AUH: variants seen among roughly 807,000 people sequenced by gnomAD.
AUH encodes AU RNA binding methylglutaconyl-CoA hydratase.
A neutral mutation model predicts 42.3 loss-of-function variants in AUH; 29 were observed. The observed-to-expected ratio is 0.69, with a 90% CI of 0.51 to 0.93. The LOEUF (loss-of-function observed/expected upper bound fraction) is 0.93. Among genes scored for constraint, AUH ranks in the 40% least tolerant of loss-of-function variants. AUH has a pLI of 0.00. For missense variants in AUH, 452 were observed against 438.1 expected (o/e 1.03, Z -0.28); for synonymous variants, 174 against 166.4 (o/e 1.05, Z -0.35).
intron 1 of AUH, among the ~76,000 whole-genome samples, chr9:91,358,261 G>A (rs1832588397): frequency 6.6e-6 from 1 of 152,192 alleles, no homozygotes; most frequent in Admixed American, 6.5e-5. Flanking sequence ...CTACCAAGGT[G>A]AGGGTGGAGG....
At chr9:91,218,847 T>C in intron 7 of AUH, 2 of 985,408 alleles carry the variant, frequency 2.0e-6, no homozygotes, top group Non-Finnish European at 2.4e-6. Context: ...AAAATAAAGG[T>C]GATTCCACTC....
At chr9:91,320,545 T>C (rs1330737303) in intron 4 of AUH, among the ~76,000 whole-genome samples, 1 of 152,342 alleles carries the variant, frequency 6.6e-6, no homozygotes, top group African/African-American at 2.4e-5. Context: ...TCCTTCTTTT[T>C]TGTCTATAAA....
In AUH at chr9:91,216,024, G is replaced by C. The variant is rs760659468; in HGVS notation, c.942+35C>G. 1.1e-5 allele frequency: 17 copies of C among 1,576,720 alleles called. No homozygotes were observed. In the East Asian group the frequency reaches 3.1e-4, roughly 29 times the overall value. ...CAGAAGGTAAATATAATTTGTAAGG[G>C]TCATCCTCATTGAATTTGTGATTGC... On this transcript the variant is annotated intron_variant, in intron 9 of 9. Coordinates refer to ENST00000375731, the MANE Select transcript of AUH (RefSeq NM_001698.3).
chr9:91,280,862 TTTA>T (rs1257438401), intron 6 of AUH, among the ~76,000 whole-genome samples: 4 of 152,178 alleles, frequency 2.6e-5, no homozygotes, highest in Non-Finnish European at 4.4e-5. Flanking sequence ...AAGGTTCTTT[TTTA>T]TTATTTTCTG....
At chr9:91,235,999 T>C (rs564374928) in intron 6 of AUH, among the ~76,000 whole-genome samples, 4 of 152,338 alleles carry the variant, frequency 2.6e-5, no homozygotes, top group Admixed American at 2.0e-4. Context: ...CTTGTGATGC[T>C]ACAGAGTATT....
intron 6 of AUH, among the ~76,000 whole-genome samples, chr9:91,232,002 T>C (rs1827913167): frequency 6.6e-6 from 1 of 152,248 alleles, no homozygotes; most frequent in Admixed American, 6.5e-5. Flanking sequence ...ATTTTGAATG[T>C]TCTTACCACA....
chr9:91,269,750 C>G (rs1222683514), intron 6 of AUH, among the ~76,000 whole-genome samples: 1 of 152,194 alleles, frequency 6.6e-6, no homozygotes, highest in African/African-American at 2.4e-5. Flanking sequence ...TTGAGTTCAG[C>G]TACCCCTTTA....
chr9:91,342,369 G>A (rs1334801844), intron 3 of AUH, among the ~76,000 whole-genome samples: 6 of 152,088 alleles, frequency 3.9e-5, no homozygotes, highest in African/African-American at 9.7e-5. Context: ...TCTCCCCATC[G>A]TAAGATCTTC....
chr9:91,345,805 C>T (rs1251033278), intron 3 of AUH, among the ~76,000 whole-genome samples: 1 of 148,534 alleles, frequency 6.7e-6, no homozygotes, highest in African/African-American at 2.5e-5. Flanking sequence ...TGCACTCCAG[C>T]CTGGGTGACA....
chr9:91,226,353 T>C (rs1265345103), intron 6 of AUH, among the ~76,000 whole-genome samples: 1 of 146,078 alleles, frequency 6.8e-6, no homozygotes, highest in Non-Finnish European at 1.5e-5. Context: ...TGTCTTCTTT[T>C]GAGAAGTGTC....
intron 6 of AUH, among the ~76,000 whole-genome samples, chr9:91,272,990 G>T (rs7857020): frequency 0.11 from 17,446 of 152,206 alleles, 1,122 homozygotes; most frequent in African/African-American, 0.17. Context: ...ATACACAGCT[G>T]TATCAGTCAA....
At chr9:91,361,097 A>G (rs540502013) in intron 1 of AUH, among the ~76,000 whole-genome samples, 1 of 152,328 alleles carries the variant, frequency 6.6e-6, no homozygotes, top group South Asian at 2.1e-4. Context: ...AAGTGCTCAA[A>G]ATTGTTTAAA....
chr9:91,346,498 T>C (rs910596973), intron 3 of AUH, among the ~76,000 whole-genome samples: 1 of 152,158 alleles, frequency 6.6e-6, no homozygotes, highest in Admixed American at 6.5e-5. Flanking sequence ...TTTTCTCTTT[T>C]ATAATAAACT....
At chr9:91,244,703 G>T (rs957472359) in intron 6 of AUH, among the ~76,000 whole-genome samples, 1 of 152,170 alleles carries the variant, frequency 6.6e-6, no homozygotes, top group Non-Finnish European at 1.5e-5. Context: ...TCCAGAGGGG[G>T]CAATCCCTGT....
intron 6 of AUH, among the ~76,000 whole-genome samples, chr9:91,239,304 T>G (rs1239454906): frequency 6.6e-6 from 1 of 152,254 alleles, no homozygotes; most frequent in Non-Finnish European, 1.5e-5. Context: ...TGCTTAGAAG[T>G]GATCTCTGAC....
rs117211797 is a variant in AUH at position 91,220,399 on chromosome 9, G to A, written c.843+406C>T. On this transcript the variant is annotated intron_variant, in intron 7 of 9. Coordinates refer to ENST00000375731, the MANE Select transcript of AUH (RefSeq NM_001698.3). The stretch of plus-strand genomic sequence containing the variant: ...CACAACAGACTACAGTCCCTTACTA[G>A]AAAACAGCATATTTCAATGTATTTT... Among the ~76,000 whole-genome samples the A allele has an allele frequency of 1.5e-3, 226 of 152,324 alleles. 1 individual carries two copies. Among genetic ancestry groups the A allele is most frequent in the Non-Finnish European group, 2.1e-3 (140 of 68,026 alleles).
intron 9 of AUH, among the ~76,000 whole-genome samples, chr9:91,215,500 T>C (rs908640186): frequency 1.3e-5 from 2 of 152,220 alleles, no homozygotes; most frequent in Non-Finnish European, 2.9e-5. Context: ...AAAAAGTCAG[T>C]ACATGTTCAG....
At chr9:91,265,142 G>A (rs1356555838) in intron 6 of AUH, among the ~76,000 whole-genome samples, 1 of 152,060 alleles carries the variant, frequency 6.6e-6, no homozygotes, top group East Asian at 1.9e-4. Flanking sequence ...ATATAAAGAT[G>A]TGTGTCTTTT....
chr9:91,216,034 T>C (rs1176853071), intron 9 of AUH, 25 bp downstream of exon 9: 8 of 1,595,368 alleles, frequency 5.0e-6, no homozygotes, highest in Middle Eastern at 1.7e-4. Flanking sequence ...GTCATCCTCA[T>C]TGAATTTGTG....
Sources: gnomAD v4.1 joint callset for allele counts (sites outside exome capture counted in the v4.1 genomes callset) on GRCh38, gnomAD v4.1.1 for gene constraint, MANE v1.5 for transcripts, NCBI Gene and HGNC (gene_info 2026-07-23, HGNC 2026-07-21) for gene names.